Variants in PTPN13 observed in about 807,000 individuals in gnomAD.
PTPN13 encodes the protein tyrosine-protein phosphatase non-receptor type 13.
In PTPN13, 191 loss-of-function variants were observed where a neutral mutation model predicts 284.0. The observed-to-expected ratio is 0.67, with a 90% CI of 0.60 to 0.76. PTPN13 has a LOEUF of 0.76. Ranked by LOEUF, PTPN13 falls within the 30% of genes least tolerant of loss-of-function variation. The pLI is 0.00. For missense variants in PTPN13, 2,797 were observed against 2,939.9 expected (o/e 0.95, Z 1.12); for synonymous variants, 986 against 1,022.3 (o/e 0.96, Z 0.68).
intron 19 of PTPN13, among the ~76,000 whole-genome samples, chr4:86,751,925 G>A (rs866164522): frequency 6.7e-6 from 1 of 149,242 alleles, no homozygotes; most frequent in African/African-American, 2.5e-5. Flanking sequence ...TTGTATGTAT[G>A]TGTGTGTGTG....
intron 1 of PTPN13, among the ~76,000 whole-genome samples, chr4:86,623,713 C>G (rs1721507823): frequency 6.6e-6 from 1 of 152,114 alleles, no homozygotes; most frequent in Non-Finnish European, 1.5e-5. Flanking sequence ...TTACTTTCTG[C>G]CCAGAATGTT....
At chr4:86,769,319 T>C (rs1225095547) in intron 28 of PTPN13, among the ~76,000 whole-genome samples, 1 of 152,116 alleles carries the variant, frequency 6.6e-6, no homozygotes, top group Non-Finnish European at 1.5e-5. Context: ...TTTTGTCTGT[T>C]ATCGTACTCT....
At chr4:86,677,190 C>T (rs1333899657) in intron 3 of PTPN13, among the ~76,000 whole-genome samples, 2 of 151,978 alleles carry the variant, frequency 1.3e-5, no homozygotes, top group Non-Finnish European at 2.9e-5. Context: ...TGGCGTGAAC[C>T]TGGGAGGCAG....
chr4:86,690,005 T>C, intron 5 of PTPN13: 1 of 336,782 alleles, frequency 3.0e-6, no homozygotes, highest in Non-Finnish European at 5.4e-6. Context: ...TTAGTTCCCA[T>C]CTTAACCAGG....
At chr4:86,630,113 A>G (rs1384047213) in intron 1 of PTPN13, among the ~76,000 whole-genome samples, 1 of 152,246 alleles carries the variant, frequency 6.6e-6, no homozygotes, top group Non-Finnish European at 1.5e-5. Flanking sequence ...TTCTATTTAT[A>G]CATGCAGAAA....
intron 43 of PTPN13, among the ~76,000 whole-genome samples, chr4:86,804,377 G>A (rs1744424943): frequency 6.6e-6 from 1 of 152,132 alleles, no homozygotes; most frequent in Admixed American, 6.6e-5. Context: ...CTGCTTATTT[G>A]CCTACTTCCT....
rs372405000 is a variant in PTPN13 at position 86,741,696 on chromosome 4, A to T, written c.2367A>T (p.Ser789=). The change falls in exon 16 of 48, where the codon TCA becomes TCT. Residue 789 remains serine (S), a synonymous_variant. Coordinates refer to ENST00000411767, the MANE Select transcript of PTPN13 (RefSeq NM_080683.3). ...HFHRVHPEKK[S]QTGILLGVCS... ...ACCGAGTGCACCCTGAGAAGAAGTC[A>T]CAAACAGGAATATTGCTTGGAGTCT... 9.3e-6 allele frequency: 15 copies of T among 1,613,808 alleles called. No individual in the cohort carries two copies. In the African/African-American group the frequency reaches 1.9e-4, roughly 20 times the overall value.
In PTPN13 at chr4:86,764,784, A is replaced by T. The variant is rs371420224; in HGVS notation, c.4149+60A>T. The T allele has an allele frequency of 5.9e-6, 9 of 1,526,688 alleles. No individual in the cohort carries two copies. The African/African-American group carries it at 1.0e-4, about 17-fold the overall frequency. 94.6% of individuals were successfully genotyped at this position (1,526,688 alleles called of 1,614,324 possible). A position where few individuals can be genotyped will look rare whatever the true frequency, so the allele number is the denominator to read the frequency against. On this transcript the variant is annotated intron_variant, in intron 25 of 47. Transcript: ENST00000411767. ...TCTTTAATTTCCAGCAGCCTATTGT[A>T]TGTCAACTTTTTAATTGAATTATTT... is the stretch of plus-strand genomic sequence containing the variant.
At chr4:86,627,281 T>C (rs1721944267) in intron 1 of PTPN13, among the ~76,000 whole-genome samples, 1 of 152,116 alleles carries the variant, frequency 6.6e-6, no homozygotes, top group Admixed American at 6.6e-5. Context: ...ACTATACACT[T>C]AAAAATGGGT....
chr4:86,799,187 A>C lies in PTPN13; in HGVS notation c.6488A>C (p.His2163Pro), dbSNP rs1578705213. 3.2e-6 allele frequency: 5 copies of C among 1,560,552 alleles called. No homozygotes were observed. The highest frequency in any genetic ancestry group is 4.3e-6 in the Non-Finnish European group (5 of 1,154,954). ...NDELPIERTN[H>P]EDSDKDHSFL... is the part of the protein sequence containing the mutation. ...GAGTTGCCAATAGAGAGAACAAACC[A>C]TGAAGATTCTGATAAAGGCAAGAAT... Residue 2163 changes from histidine to proline, a missense_variant, in exon 42 of 48, where the codon CAT becomes CCT. Transcript: ENST00000411767.
chr4:86,706,362 C>G (rs571099805), intron 7 of PTPN13, among the ~76,000 whole-genome samples: 1 of 152,276 alleles, frequency 6.6e-6, no homozygotes, highest in African/African-American at 2.4e-5. Context: ...GGACATTCAA[C>G]TAACTGCCTT....
At position 86,780,392 on chromosome 4, in the gene PTPN13, T is replaced by C; in HGVS notation, c.5892-10T>C. 2 of 1,602,596 alleles carry C rather than the reference T, an allele frequency of 1.2e-6. No homozygotes were observed. Among genetic ancestry groups the C allele is most frequent in the Non-Finnish European group, 1.7e-6 (2 of 1,173,764 alleles). On this transcript the variant is annotated splice_polypyrimidine_tract_variant and intron_variant, in intron 35 of 47. Coordinates refer to ENST00000411767, the MANE Select transcript of PTPN13 (RefSeq NM_080683.3). ...AAGACAATTTACAGTTGTCTTTTTT[T>C]ACAACACAGAAATGATCTTCCAGTG...
chr4:86,750,875 C>G lies in PTPN13; in HGVS notation c.3056C>G (p.Thr1019Arg). ...RSDAESLAGVTKLNNSKSVAS... is the reference protein window; with the variant it reads ...RSDAESLAGVRKLNNSKSVAS... The stretch of plus-strand genomic sequence containing the variant: ...GATGCAGAATCTTTGGCAGGAGTGA[C>G]AAAACTTAATAAGTAAGAACATATT... Residue 1019 changes from threonine to arginine, a missense_variant, in exon 18 of 48, where the codon ACA (threonine) becomes AGA (arginine). Physicochemically the swap from Thr to Arg is moderately conservative, Grantham distance 71. Transcript: ENST00000411767. 6.2e-7 allele frequency: 1 copy of G among 1,612,908 alleles called. No homozygotes were observed. The highest frequency in any genetic ancestry group is 8.5e-7 in the Non-Finnish European group (1 of 1,179,434).
chr4:86,670,564 A>G lies in PTPN13; in HGVS notation c.116-1801A>G, dbSNP rs191866009. On this transcript the variant is annotated intron_variant, in intron 2 of 47. Coordinates refer to ENST00000411767, the MANE Select transcript of PTPN13 (RefSeq NM_080683.3). ...TATCTTCAGTTACCAGCAGGTTCTC[A>G]CCACCTCTATTGCCACCACTGTGCT... 4.4e-3 allele frequency among the ~76,000 whole-genome samples: 664 copies of G among 152,046 alleles called. 3 individuals are homozygous for G. Among genetic ancestry groups the G allele is most frequent in the African/African-American group, 0.015 (602 of 41,450 alleles).
intron 2 of PTPN13, among the ~76,000 whole-genome samples, chr4:86,665,551 T>G (rs1056163334): frequency 6.6e-6 from 1 of 152,206 alleles, no homozygotes; most frequent in African/African-American, 2.4e-5. Flanking sequence ...CTTAAAGCAA[T>G]TGTTCTAAGT....
chr4:86,716,967 AAATT>A, intron 8 of PTPN13, 53 bp from the exon 9 acceptor site: 2 of 1,228,822 alleles, frequency 1.6e-6, no homozygotes, highest in Non-Finnish European at 2.4e-6. Context: ...GTTTTAAATG[AAATT>A]ACTCTCATGT....
intron 35 of PTPN13, among the ~76,000 whole-genome samples, chr4:86,776,243 G>A (rs1740628910): frequency 6.6e-6 from 1 of 152,224 alleles, no homozygotes; most frequent in African/African-American, 2.4e-5. Flanking sequence ...ACCCTACCTG[G>A]CCCGAAATTT....
chr4:86,701,292 A>G lies in PTPN13; in HGVS notation c.686A>G (p.His229Arg), dbSNP rs1311856414. ...VLDIQKPPLS[H>R]QTFLNKGLSK... ...GACATACAAAAGCCTCCACTCTCTC[A>G]TCAGACCTTTCTTAACAAAGGGCTT... The change falls in exon 7 of 48, where the codon CAT becomes CGT. Residue 229 changes from histidine (H) to arginine (R), a missense_variant. Transcript: ENST00000411767. 1.9e-6 allele frequency: 3 copies of G among 1,610,198 alleles called. No individual in the cohort carries two copies. Among genetic ancestry groups the G allele is most frequent in the African/African-American group, 1.3e-5 (1 of 74,864 alleles).
intron 2 of PTPN13, among the ~76,000 whole-genome samples, chr4:86,654,533 G>C (rs1482263403): frequency 1.3e-5 from 2 of 152,218 alleles, no homozygotes; most frequent in Non-Finnish European, 2.9e-5. Context: ...AGGTTGTTCA[G>C]TTTCCATGTA....
Sources: gnomAD v4.1 joint callset for allele counts (sites outside exome capture counted in the v4.1 genomes callset) on GRCh38, gnomAD v4.1.1 for gene constraint, MANE v1.5 for transcripts, NCBI Gene and HGNC (gene_info 2026-07-23, HGNC 2026-07-21) for gene names.